The following TMEM150C variants were observed in gnomAD, a reference collection of about 807,000 sequenced individuals.
TMEM150C encodes the protein tentonin 3.
In TMEM150C, 10 loss-of-function variants were observed where a neutral mutation model predicts 29.9. That is an observed-to-expected ratio of 0.33 (90% CI 0.21 to 0.57). The LOEUF is 0.57. Among genes scored for constraint, TMEM150C ranks in the 20% least tolerant of loss-of-function variants. TMEM150C has a pLI of 0.88. For missense variants in TMEM150C, 251 were observed against 303.6 expected (o/e 0.83, Z 1.29); for synonymous variants, 101 against 112.5 (o/e 0.90, Z 0.64).
At chr4:82,489,551 T>C (rs1299861008) in intron 7 of TMEM150C, among the ~76,000 whole-genome samples, 3 of 152,038 alleles carry the variant, frequency 2.0e-5, no homozygotes, top group African/African-American at 7.2e-5. Flanking sequence ...ACCTCAAATA[T>C]TGGAGGAAAA....
intron 1 of TMEM150C, among the ~76,000 whole-genome samples, chr4:82,530,669 G>A (rs532393072): frequency 4.6e-5 from 7 of 152,284 alleles, no homozygotes; most frequent in Admixed American, 3.9e-4. Flanking sequence ...AATATACAAT[G>A]GCATAAAAGG....
At chr4:82,522,947 G>T (rs1488470692) in intron 1 of TMEM150C, among the ~76,000 whole-genome samples, 2 of 152,108 alleles carry the variant, frequency 1.3e-5, no homozygotes, top group Non-Finnish European at 2.9e-5. Flanking sequence ...GAAGGCTGGG[G>T]TTTTTTTGCT....
chr4:82,522,838 C>A (rs537736091), intron 1 of TMEM150C, among the ~76,000 whole-genome samples: 14 of 152,104 alleles, frequency 9.2e-5, no homozygotes, highest in Non-Finnish European at 1.9e-4. Context: ...TCTGGCTAAA[C>A]CAACCTAACG....
chr4:82,497,746 G>A (rs921324231), intron 5 of TMEM150C, among the ~76,000 whole-genome samples: 3 of 152,172 alleles, frequency 2.0e-5, no homozygotes, highest in Non-Finnish European at 4.4e-5. Context: ...GACCTAGGTA[G>A]GAGTTATATC....
At chr4:82,529,679 G>A (rs1429428045) in intron 1 of TMEM150C, among the ~76,000 whole-genome samples, 6 of 152,154 alleles carry the variant, frequency 3.9e-5, no homozygotes, top group African/African-American at 1.4e-4. Flanking sequence ...TGGCTAGTGA[G>A]TCGATCAGTG....
intron 1 of TMEM150C, among the ~76,000 whole-genome samples, chr4:82,557,457 C>G (rs1470984040): frequency 6.6e-6 from 1 of 152,142 alleles, no homozygotes; most frequent in African/African-American, 2.4e-5. Context: ...CTACCTACTT[C>G]CTACCTTTCT....
At chr4:82,499,413 G>A (rs2110067395) in intron 5 of TMEM150C, among the ~76,000 whole-genome samples, 1 of 152,036 alleles carries the variant, frequency 6.6e-6, no homozygotes, top group South Asian at 2.1e-4. Context: ...TAATTTTCCT[G>A]TCTATTTTCA....
chr4:82,509,060 G>C (rs977234533), intron 1 of TMEM150C, among the ~76,000 whole-genome samples: 1 of 152,138 alleles, frequency 6.6e-6, no homozygotes, highest in Admixed American at 6.5e-5. Flanking sequence ...TTCCTAAAGA[G>C]CCAATACTGC....
chr4:82,528,034 T>C (rs79275383), intron 1 of TMEM150C, among the ~76,000 whole-genome samples: 2,488 of 152,278 alleles, frequency 0.016, 84 homozygotes, highest in African/African-American at 0.057. Flanking sequence ...GTGCTAGAAA[T>C]ACAAAGATTA....
At chr4:82,494,582 A>AG (rs1233928292) in intron 6 of TMEM150C, among the ~76,000 whole-genome samples, 2 of 151,994 alleles carry the variant, frequency 1.3e-5, no homozygotes, top group African/African-American at 4.8e-5. Flanking sequence ...ATTTGTTACG[A>AG]AAAAAAAGTA....
At chr4:82,492,779 C>A in intron 6 of TMEM150C, among the ~76,000 whole-genome samples, 1 of 126,630 alleles carries the variant, frequency 7.9e-6, no homozygotes. Flanking sequence ...TTCACCAAGA[C>A]TATCCACTTC....
Position 82,544,569 on chromosome 4 carries a change from AG to A in TMEM150C, c.-11+17336del, listed in dbSNP as rs565247348. Among the ~76,000 whole-genome samples, 377 of 152,280 alleles carry A rather than the reference AG, an allele frequency of 2.5e-3. 3 individuals are homozygous for A. The highest frequency in any genetic ancestry group is 8.6e-3 in the African/African-American group (356 of 41,540). On this transcript the variant is annotated intron_variant, in intron 1 of 7. Coordinates refer to ENST00000449862, the MANE Select transcript of TMEM150C (RefSeq NM_001080506.3). Reference sequence around the variant, plus strand: ...CCAGGCAGGTGGATTCCTTGAGCCCAGGGGTTCGAGACCAGCCTGGGCAACA... The same window carrying A: ...CCAGGCAGGTGGATTCCTTGAGCCCAGGGTTCGAGACCAGCCTGGGCAACA...
intron 1 of TMEM150C, among the ~76,000 whole-genome samples, chr4:82,561,005 G>A (rs1725901376): frequency 6.6e-6 from 1 of 152,228 alleles, no homozygotes. Context: ...GCCCAACCGT[G>A]AAAGGCGGTC....
intron 1 of TMEM150C, among the ~76,000 whole-genome samples, chr4:82,517,351 A>G (rs1387007643): frequency 6.6e-6 from 1 of 152,232 alleles, no homozygotes; most frequent in Non-Finnish European, 1.5e-5. Context: ...CAACTTGATT[A>G]GGCTAAAGAA....
In TMEM150C at chr4:82,492,362, A is replaced by G. The variant is rs942374941; in HGVS notation, c.364-2124T>C. ...AGGCTGATCTCAAACTCCCAACCTC[A>G]GATGATCCACCCGCCTCAGCCTCCC... is the stretch of plus-strand genomic sequence containing the variant. On this transcript the variant is annotated intron_variant, in intron 6 of 7. Coordinates refer to ENST00000449862, the MANE Select transcript of TMEM150C (RefSeq NM_001080506.3). 5.3e-5 allele frequency among the ~76,000 whole-genome samples: 8 copies of G among 151,902 alleles called. No individual in the cohort carries two copies. In the South Asian group the frequency reaches 8.3e-4, roughly 16 times the overall value.
chr4:82,536,903 G>C (rs1450243747), intron 1 of TMEM150C, among the ~76,000 whole-genome samples: 1 of 152,148 alleles, frequency 6.6e-6, no homozygotes, highest in African/African-American at 2.4e-5. Flanking sequence ...GGCAAGAGAT[G>C]TAAACAAAGA....
At chr4:82,545,020 G>A (rs1725325450) in intron 1 of TMEM150C, among the ~76,000 whole-genome samples, 1 of 152,150 alleles carries the variant, frequency 6.6e-6, no homozygotes, top group Non-Finnish European at 1.5e-5. Context: ...AATCAAGGAG[G>A]AGGGACTCCT....
chr4:82,548,951 G>A (rs1050472967), intron 1 of TMEM150C, among the ~76,000 whole-genome samples: 5 of 152,186 alleles, frequency 3.3e-5, no homozygotes, highest in African/African-American at 1.2e-4. Flanking sequence ...CAGAGAGGTG[G>A]GCAAGTGCCC....
intron 1 of TMEM150C, among the ~76,000 whole-genome samples, chr4:82,527,960 C>CATAGGAGA (rs1724709081): frequency 2.1e-5 from 3 of 142,624 alleles, no homozygotes; most frequent in African/African-American, 9.2e-5. Context: ...AGGCAAGGAG[C>CATAGGAGA]AGGAAAAATA....
Sources: allele counts gnomAD v4.1 joint callset (sites outside exome capture counted in the v4.1 genomes callset), GRCh38; gene constraint gnomAD v4.1.1; transcripts MANE v1.5; gene names NCBI Gene and HGNC (gene_info 2026-07-23, HGNC 2026-07-21).